Variants in TSHZ1 observed in about 807,000 individuals in gnomAD.
TSHZ1 encodes the protein teashirt homolog 1.
TSHZ1 carries 12 observed loss-of-function variants against 67.1 expected under a neutral mutation model. The ratio of observed to expected loss-of-function variants is 0.18; its 90% CI spans 0.11 to 0.29. TSHZ1 has a LOEUF of 0.29. TSHZ1 is among the 10% of genes least tolerant of loss of function. The pLI is 1.00. For synonymous variants in TSHZ1, 632 were observed against 622.4 expected, an observed-to-expected ratio of 1.02 and a Z score of -0.23; for missense variants, 1,305 against 1,413.9, an observed-to-expected ratio of 0.92 and a Z score of 1.23.
At chr18:75,255,979 G>A (rs964035192) in intron 1 of TSHZ1, among the ~76,000 whole-genome samples, 8 of 152,166 alleles carry the variant, frequency 5.3e-5, no homozygotes, top group Middle Eastern at 3.4e-3. Context: ...ATTTAATTTC[G>A]GAGCTATTTT....
At chr18:75,266,656 T>C (rs1160496329) in intron 1 of TSHZ1, among the ~76,000 whole-genome samples, 1 of 152,200 alleles carries the variant, frequency 6.6e-6, no homozygotes, top group Non-Finnish European at 1.5e-5. Flanking sequence ...TTAAATTTTC[T>C]TTCACCTACC....
chr18:75,287,509 A>G lies in TSHZ1; in HGVS notation c.2102A>G (p.Lys701Arg). 6.2e-7 allele frequency: 1 copy of G among 1,614,224 alleles called. No homozygotes were observed. Among genetic ancestry groups the G allele is most frequent in the Non-Finnish European group, 8.5e-7 (1 of 1,180,038 alleles). Residue 701 changes from lysine (K) to arginine (R), a missense_variant, in exon 2 of 2, where the codon AAG (lysine) becomes AGG (arginine). Lys to Arg is a conservative substitution (Grantham distance 26). Coordinates refer to ENST00000580243, the MANE Select transcript of TSHZ1 (RefSeq NM_001308210.2). The surrounding 1 kb of genome is among the most constrained non-coding windows in gnomAD (Gnocchi z 5.0). ...AAGGGCCCTGAGGCCGAGACTGGGA[A>G]GGCCAAAAAGGAGGGACCGCTGGAC... ...QKKGPEAETG[K>R]AKKEGPLDVH... is the part of the protein sequence containing the mutation.
intron 1 of TSHZ1, among the ~76,000 whole-genome samples, chr18:75,261,069 G>A (rs1478197155): frequency 6.6e-6 from 1 of 152,012 alleles, no homozygotes; most frequent in African/African-American, 2.4e-5. Context: ...CGTTTCATTG[G>A]CCACATCTCC....
At chr18:75,234,354 G>A (rs1213059533) in intron 1 of TSHZ1, among the ~76,000 whole-genome samples, 2 of 152,044 alleles carry the variant, frequency 1.3e-5, no homozygotes, top group Non-Finnish European at 2.9e-5. Flanking sequence ...CTTATCTCTT[G>A]CTGCCATCTT....
At chr18:75,237,153 T>C (rs983797468) in intron 1 of TSHZ1, among the ~76,000 whole-genome samples, 1 of 152,208 alleles carries the variant, frequency 6.6e-6, no homozygotes, top group Non-Finnish European at 1.5e-5. Context: ...TGTTCTTGAC[T>C]GAGAGTTGCG....
chr18:75,258,214 T>C (rs897920710), intron 1 of TSHZ1, among the ~76,000 whole-genome samples: 1 of 152,164 alleles, frequency 6.6e-6, no homozygotes, highest in Non-Finnish European at 1.5e-5. Context: ...GTTGGATGTG[T>C]TGATGGAGTG....
At position 75,286,611 on chromosome 18, in the gene TSHZ1, G is replaced by A. The variant is rs35028697; in HGVS notation, c.1204G>A (p.Ala402Thr). Reference protein sequence around the residue: ...PNNRYGYQNGASYTWQFEARK... With the variant: ...PNNRYGYQNGTSYTWQFEARK... ...TAACCGCTATGGCTACCAGAATGGCGCCAGCTACACCTGGCAGTTTGAGGC... is the reference window on the plus strand; with the variant it reads ...TAACCGCTATGGCTACCAGAATGGCACCAGCTACACCTGGCAGTTTGAGGC... The change falls in exon 2 of 2, where the codon GCC becomes ACC. Residue 402 changes from alanine (A) to threonine (T), a missense_variant. Ala to Thr is a moderately conservative substitution (Grantham distance 58). Around this residue, in one of 3 missense-constraint regions of TSHZ1, gnomAD observed 909 missense variants for 961.8 expected, o/e 0.95. Coordinates refer to ENST00000580243, the MANE Select transcript of TSHZ1 (RefSeq NM_001308210.2). The surrounding 1 kb of genome is among the most constrained non-coding windows in gnomAD (Gnocchi z 5.1). 58 of 1,614,104 alleles carry A rather than the reference G, an allele frequency of 3.6e-5. No homozygotes were observed. The highest frequency in any genetic ancestry group is 3.3e-4 in the Middle Eastern group (2 of 6,084).
chr18:75,214,150 CT>C (rs1378999709), intron 1 of TSHZ1, among the ~76,000 whole-genome samples: 6 of 152,208 alleles, frequency 3.9e-5, no homozygotes, highest in Non-Finnish European at 7.3e-5. Context: ...CTCTTCCCCC[CT>C]CACTCATAAA....
chr18:75,228,678 C>G (rs954910557), intron 1 of TSHZ1, among the ~76,000 whole-genome samples: 1 of 152,208 alleles, frequency 6.6e-6, no homozygotes, highest in African/African-American at 2.4e-5. Flanking sequence ...GATGGCAGCG[C>G]TATTGACATT....
At chr18:75,214,507 T>C (rs746836416) in intron 1 of TSHZ1, among the ~76,000 whole-genome samples, 2 of 152,250 alleles carry the variant, frequency 1.3e-5, no homozygotes, top group African/African-American at 2.4e-5. Flanking sequence ...GTTTTTATTA[T>C]AACATCCTGA....
intron 1 of TSHZ1, among the ~76,000 whole-genome samples, chr18:75,240,264 A>C (rs917502117): frequency 1.3e-5 from 2 of 152,086 alleles, no homozygotes; most frequent in Non-Finnish European, 2.9e-5. Context: ...TAGGATCTCA[A>C]TTTCTGCCTG....
At chr18:75,223,997 G>A (rs528433583) in intron 1 of TSHZ1, among the ~76,000 whole-genome samples, 25 of 150,780 alleles carry the variant, frequency 1.7e-4, no homozygotes, top group Non-Finnish European at 3.0e-4. Context: ...AAATCATTCG[G>A]GGTCATTCAT....
chr18:75,286,814 A>G lies in TSHZ1; in HGVS notation c.1407A>G (p.Pro469=), dbSNP rs778753128. ...PVVEEKIQSI[P]LPPTTHTRLP... ...TGGAAGAGAAGATCCAGTCCATCCC[A>G]CTACCGCCCACCACCCACACGCGGC... Residue 469 remains proline, a synonymous_variant, in exon 2 of 2, where the codon CCA becomes CCG. Coordinates refer to ENST00000580243, the MANE Select transcript of TSHZ1 (RefSeq NM_001308210.2). This position sits in a 1 kb window ranked among gnomAD's most constrained non-coding sequence, Gnocchi z 5.1. 1 of 1,613,828 alleles carries G rather than the reference A, an allele frequency of 6.2e-7. No homozygotes were observed. The highest frequency in any genetic ancestry group is 8.5e-7 in the Non-Finnish European group (1 of 1,180,014).
chr18:75,222,873 G>A (rs906379881), intron 1 of TSHZ1, among the ~76,000 whole-genome samples: 6 of 152,136 alleles, frequency 3.9e-5, no homozygotes, highest in Non-Finnish European at 7.4e-5. Context: ...CTGGCTAAAG[G>A]CATTAGACTA....
At chr18:75,247,896 G>C (rs1211204582) in intron 1 of TSHZ1, among the ~76,000 whole-genome samples, 2 of 141,436 alleles carry the variant, frequency 1.4e-5, no homozygotes, top group African/African-American at 5.2e-5. Context: ...GTTCATTTTA[G>C]TGGGAAAGGG....
intron 1 of TSHZ1, among the ~76,000 whole-genome samples, chr18:75,260,235 C>CAATAGCA (rs1183876621): frequency 6.6e-6 from 1 of 152,244 alleles, no homozygotes; most frequent in Non-Finnish European, 1.5e-5. Flanking sequence ...GAATTCATTT[C>CAATAGCA]AATAGCAAAT....
chr18:75,245,388 T>G (rs2023209212), intron 1 of TSHZ1: 1 of 152,220 alleles, frequency 6.6e-6, no homozygotes, highest in Admixed American at 6.5e-5. Flanking sequence ...CAGGAACCCC[T>G]GGATTTTTAA....
intron 1 of TSHZ1, among the ~76,000 whole-genome samples, chr18:75,243,112 G>A (rs918230066): frequency 3.9e-5 from 6 of 152,188 alleles, no homozygotes; most frequent in African/African-American, 1.4e-4. Flanking sequence ...GCTGGGGCAT[G>A]GCTGGCACCT....
chr18:75,247,088 A>G (rs777778562), intron 1 of TSHZ1, among the ~76,000 whole-genome samples: 2 of 152,224 alleles, frequency 1.3e-5, no homozygotes, highest in Non-Finnish European at 2.9e-5. Context: ...TTTTCTGTTC[A>G]GGAAGAGCAT....
Sources: gnomAD v4.1 joint callset for allele counts (sites outside exome capture counted in the v4.1 genomes callset) on GRCh38, gnomAD v4.1.1 for gene constraint, gnomAD v4.1.1 regional missense constraint, Gnocchi (gnomAD v3.1) non-coding constraint, MANE v1.5 for transcripts, NCBI Gene and HGNC (gene_info 2026-07-23, HGNC 2026-07-21) for gene names.